CEP72: variants seen among roughly 807,000 people sequenced by gnomAD.
The protein encoded by CEP72 is centrosomal protein 72.
A neutral mutation model predicts 65.7 loss-of-function variants in CEP72; 78 were observed. The observed-to-expected ratio is 1.19, with a 90% CI of 0.99 to 1.43. The LOEUF (loss-of-function observed/expected upper bound fraction) is 1.43. Among genes scored for constraint, CEP72 ranks in the 40% most tolerant of loss-of-function variants. CEP72 has a pLI of 0.00. For synonymous variants in CEP72, 358 were observed against 351.7 expected, an observed-to-expected ratio of 1.02 and a Z score of -0.20; for missense variants, 914 against 832.9, an observed-to-expected ratio of 1.10 and a Z score of -1.20.
intron 7 of CEP72, 81 bp from the exon 8 acceptor site, chr5:639,008 C>CCAGGGTGCGCTTGGGCACCTGCTGGCATT: frequency 6.4e-7 from 1 of 1,572,606 alleles, no homozygotes; most frequent in Non-Finnish European, 8.7e-7. Flanking sequence ...CGAGGGCATC[C>CCAGGGTGCGCTTGGGCACCTGCTGGCATT]CAGGGTGCGC....
intron 11 of CEP72, among the ~76,000 whole-genome samples, chr5:649,809 T>TG (rs1430756484): frequency 1.4e-5 from 1 of 71,696 alleles, no homozygotes. Context: ...CTGTGAGGTG[T>TG]GACTGTGAGG....
intron 8 of CEP72, among the ~76,000 whole-genome samples, chr5:639,648 T>C (rs556590227): frequency 6.6e-6 from 1 of 152,188 alleles, no homozygotes; most frequent in East Asian, 1.9e-4. Context: ...CCCAGGAGGG[T>C]GGTCCCTCCC....
In CEP72 at chr5:612,383, C is replaced by A; in HGVS notation, c.22C>A (p.Leu8Met). 6.7e-7 allele frequency: 1 copy of A among 1,491,556 alleles called. No homozygotes were observed. Among genetic ancestry groups the A allele is most frequent in the Non-Finnish European group, 8.9e-7 (1 of 1,125,716 alleles). 92.4% of individuals were successfully genotyped at this position (1,491,556 alleles called of 1,614,324 possible). A position where few individuals can be genotyped will look rare whatever the true frequency, so the allele number is the denominator to read the frequency against. Residue 8 changes from leucine to methionine, a missense_variant, in exon 1 of 12, where the codon CTG (leucine) becomes ATG (methionine). Leu to Met is a conservative substitution (Grantham distance 15). Coordinates refer to ENST00000264935, the MANE Select transcript of CEP72 (RefSeq NM_018140.4). The stretch of plus-strand genomic sequence containing the variant: ...AAACATGGCGCGGGCTGGCCCTCGG[C>A]TGGTGCTGAGCGAGGAGGCGGTTCG... MARAGPR[L>M]VLSEEAVRAK...
rs1265969233 is a variant in CEP72 at position 637,531 on chromosome 5, G to A, written c.919G>A (p.Glu307Lys). Residue 307 changes from glutamate to lysine, a missense_variant, in exon 7 of 12, where the codon GAG (glutamate) becomes AAG (lysine). Physicochemically the swap from Glu to Lys is moderately conservative, Grantham distance 56. Transcript: ENST00000264935. Reference protein sequence around the residue: ...FTPHPDSMDTEDSASSQKLDL... With the variant: ...FTPHPDSMDTKDSASSQKLDL... ...CTATATCTCAGACTCCATGGATACC[G>A]AGGACTCGGCCTCTTCTCAGAAGTT... The A allele has an allele frequency of 2.3e-5, 37 of 1,613,186 alleles. No individual in the cohort carries two copies. The highest frequency in any genetic ancestry group is 5.0e-5 in the Admixed American group (3 of 59,978).
Position 635,581 on chromosome 5 carries a change from C to A in CEP72, c.901C>A (p.Pro301Thr). 6.2e-7 allele frequency: 1 copy of A among 1,609,316 alleles called. No homozygotes were observed. The highest frequency in any genetic ancestry group is 8.5e-7 in the Non-Finnish European group (1 of 1,176,142). ...GCCACACACGTACTTCACCCCACAC[C>A]CAGGTACTTACGCGTGTCTTAGTCT... ...PRPHTYFTPHPDSMDTEDSAS... is the reference protein window; with the variant it reads ...PRPHTYFTPHTDSMDTEDSAS... Residue 301 changes from proline (P) to threonine (T), a missense_variant, in exon 6 of 12, where the codon CCA becomes ACA. Coordinates refer to ENST00000264935, the MANE Select transcript of CEP72 (RefSeq NM_018140.4).
At chr5:639,049 T>C in intron 7 of CEP72, 40 bp from the exon 8 acceptor site, 7 of 1,611,720 alleles carry the variant, frequency 4.3e-6, no homozygotes, top group Non-Finnish European at 5.9e-6. Flanking sequence ...AGGACCTCAG[T>C]TACTGACTCG....
At chr5:669,816 G>A (rs1740139255), downstream of CEP72, among the ~76,000 whole-genome samples, 1 of 152,080 alleles carries the variant, frequency 6.6e-6, no homozygotes, top group Non-Finnish European at 1.5e-5. Context: ...CCCCCGCCTG[G>A]GGCAGTCCTC....
At position 620,053 on chromosome 5, in the gene CEP72, T is replaced by C; in HGVS notation, c.211-16T>C. 1 of 1,589,384 alleles carries C rather than the reference T, an allele frequency of 6.3e-7. No homozygotes were observed. The highest frequency in any genetic ancestry group is 8.6e-7 in the Non-Finnish European group (1 of 1,158,794). ...GTTTAAAGTGTGAATGAATTCACTG[T>C]GTTTTCTGTTGACAGGGCATTCAGT... is the stretch of plus-strand genomic sequence containing the variant. On this transcript the variant is annotated splice_polypyrimidine_tract_variant and intron_variant, in intron 2 of 11. Transcript: ENST00000264935.
chr5:624,532 C>T lies in CEP72; in HGVS notation c.465C>T (p.Asp155=), dbSNP rs373937432. ...KASRLHFASE[D]SLDSKESVPA... ...CCCGACTGCATTTTGCATCAGAGGA[C>T]TCACTCGACTCCAAAGAGAGCGTCC... The change falls in exon 4 of 12, where the codon GAC becomes GAT. Residue 155 remains aspartate (D), a synonymous_variant. Coordinates refer to ENST00000264935, the MANE Select transcript of CEP72 (RefSeq NM_018140.4). The surrounding 1 kb of genome is among the most constrained non-coding windows in gnomAD (Gnocchi z 4.7). 1 of 1,614,010 alleles carries T rather than the reference C, an allele frequency of 6.2e-7. No individual in the cohort carries two copies. The highest frequency in any genetic ancestry group is 1.3e-5 in the African/African-American group (1 of 74,944).
chr5:667,829 C>G (rs1739987326), downstream of CEP72, among the ~76,000 whole-genome samples: 1 of 150,566 alleles, frequency 6.6e-6, no homozygotes, highest in African/African-American at 2.5e-5. Flanking sequence ...TACAGACAAG[C>G]ACACGGAGAG....
intron 11 of CEP72, among the ~76,000 whole-genome samples, chr5:649,981 C>CTGAGGCGTGGAG (rs1738859896): frequency 3.7e-5 from 1 of 26,738 alleles, no homozygotes; most frequent in Non-Finnish European, 7.2e-5. Flanking sequence ...TGAGGTGTGA[C>CTGAGGCGTGGAG]TGTGAGGCGT....
In CEP72 at chr5:640,428, T is replaced by A; in HGVS notation, c.1363T>A (p.Ser455Thr). The A allele has an allele frequency of 1.2e-6, 2 of 1,614,000 alleles. No individual in the cohort carries two copies. The highest frequency in any genetic ancestry group is 2.2e-5 in the East Asian group (1 of 44,874). ...AFLAQARHIL[S>T]SVEEFTAAQD... The stretch of plus-strand genomic sequence containing the variant: ...CCTAGCTCAGGCAAGACACATCTTG[T>A]CATCTGTTGAAGAATTCACAGCAGC... The change falls in exon 9 of 12, where the codon TCA becomes ACA. Residue 455 changes from serine (S) to threonine (T), a missense_variant. Physicochemically the swap from Ser to Thr is moderately conservative, Grantham distance 58. Coordinates refer to ENST00000264935, the MANE Select transcript of CEP72 (RefSeq NM_018140.4).
chr5:674,562 A>G, the CEP72 span, among the ~76,000 whole-genome samples: 1 of 152,220 alleles, frequency 6.6e-6, no homozygotes, highest in South Asian at 2.1e-4. Context: ...TCTGTGCCAG[A>G]GGCTCTGGCC....
Position 653,280 on chromosome 5 carries a change from T to G in CEP72, c.*127T>G. 2 of 1,003,844 alleles carry G rather than the reference T, an allele frequency of 2.0e-6. No homozygotes were observed. Among genetic ancestry groups the G allele is most frequent in the Non-Finnish European group, 2.8e-6 (2 of 723,724 alleles). The allele number at this position is 1,003,844 out of a possible 1,614,324, so 62.2% of individuals were successfully genotyped here. ...CTCTTCTGTTGGTAATTATTTAGGATTTTTGGAATGTATTCAGGACCTGTA... is the reference window on the plus strand; with the variant it reads ...CTCTTCTGTTGGTAATTATTTAGGAGTTTTGGAATGTATTCAGGACCTGTA... On this transcript the variant is annotated 3_prime_UTR_variant, in exon 12 of 12. Coordinates refer to ENST00000264935, the MANE Select transcript of CEP72 (RefSeq NM_018140.4).
At chr5:670,701 C>G (rs1304433868), downstream of CEP72, among the ~76,000 whole-genome samples, 5 of 152,164 alleles carry the variant, frequency 3.3e-5, no homozygotes, top group African/African-American at 1.2e-4. Flanking sequence ...CCAGCAGGAC[C>G]CAGCCTTGGG....
chr5:652,040 C>CTCCT (rs1739141199), intron 11 of CEP72, among the ~76,000 whole-genome samples: 1 of 152,130 alleles, frequency 6.6e-6, no homozygotes, highest in African/African-American at 2.4e-5. Flanking sequence ...TGAGACTGGG[C>CTCCT]CAAGAGGAGA....
chr5:623,056 G>A lies in CEP72; in HGVS notation c.404-1415G>A, dbSNP rs1156630420. ...TAGTGTTTCTGTAGAGAAGGAGCGC[G>A]GCCGTCTCCCTCTTAGTGTTTCTGC... On this transcript the variant is annotated intron_variant, in intron 3 of 11. Coordinates refer to ENST00000264935, the MANE Select transcript of CEP72 (RefSeq NM_018140.4). This position sits in a 1 kb window ranked among gnomAD's most constrained non-coding sequence, Gnocchi z 5.3. 6.6e-6 allele frequency among the ~76,000 whole-genome samples: 1 copy of A among 150,480 alleles called. No homozygotes were observed. Among genetic ancestry groups the A allele is most frequent in the Non-Finnish European group, 1.5e-5 (1 of 67,642 alleles).
intron 6 of CEP72, among the ~76,000 whole-genome samples, chr5:637,162 A>G (rs11134149): frequency 0.13 from 19,739 of 152,138 alleles, 1,644 homozygotes; most frequent in Non-Finnish European, 0.19. Context: ...GTGTGCTTAG[A>G]CGTTGTTTGG....
At chr5:650,775 GACTGT>G (rs2126825869) in intron 11 of CEP72, among the ~76,000 whole-genome samples, 1 of 63,326 alleles carries the variant, frequency 1.6e-5, no homozygotes, top group Non-Finnish European at 2.8e-5. Context: ...TGTGAGGTGT[GACTGT>G]GAGGTGTGAC....
Sources: allele counts gnomAD v4.1 joint callset (sites outside exome capture counted in the v4.1 genomes callset), GRCh38; gene constraint gnomAD v4.1.1; non-coding constraint Gnocchi (gnomAD v3.1); transcripts MANE v1.5; gene names NCBI Gene and HGNC (gene_info 2026-07-23, HGNC 2026-07-21).